The following ZNF668 variants were observed in gnomAD, a reference collection of about 807,000 sequenced individuals.
ZNF668 encodes the protein zinc finger protein 668.
In ZNF668, 10 loss-of-function variants were observed where a neutral mutation model predicts 40.3. The ratio of observed to expected loss-of-function variants is 0.25; its 90% CI spans 0.15 to 0.42. The LOEUF is 0.42. ZNF668 is among the 10% of genes least tolerant of loss of function. The pLI, the probability that ZNF668 is intolerant of heterozygous loss-of-function variation, is 1.00. For missense variants in ZNF668, 749 were observed against 904.6 expected, an observed-to-expected ratio of 0.83 and a Z score of 2.21; for synonymous variants, 428 against 384.6, an observed-to-expected ratio of 1.11 and a Z score of -1.32.
chr16:31,061,307 G>T lies in ZNF668; in HGVS notation c.1621C>A (p.Leu541Ile). 2 of 1,580,988 alleles carry T rather than the reference G, an allele frequency of 1.3e-6. No homozygotes were observed. Among genetic ancestry groups the T allele is most frequent in the Non-Finnish European group, 1.7e-6 (2 of 1,162,536 alleles). ...CACTGGGTGCAGGGGAAGGGCCGGA[G>T]CTCCGGGTGTGAGCGCTCGTGCCGA... is the stretch of plus-strand genomic sequence containing the variant. ...LRRHERSHPE[L>I]RPFPCTQCGK... Residue 541 changes from leucine to isoleucine, a missense_variant, in exon 3 of 3, where the codon CTC (leucine) becomes ATC (isoleucine). Around this residue, in one of 4 missense-constraint regions of ZNF668, gnomAD observed 310 missense variants for 355.1 expected, o/e 0.87. Transcript: ENST00000300849. This position sits in a 1 kb window ranked among gnomAD's most constrained non-coding sequence, Gnocchi z 7.7.
At chr16:31,065,063 C>T (rs778611455) in intron 1 of ZNF668, 5 of 1,047,828 alleles carry the variant, frequency 4.8e-6, no homozygotes, top group Non-Finnish European at 5.8e-6. Context: ...CACAGCTGTA[C>T]GGGCCTCCGC....
chr16:31,064,724 CA>C, intron 1 of ZNF668: 1 of 1,530,842 alleles, frequency 6.5e-7, no homozygotes, highest in Non-Finnish European at 8.7e-7. Context: ...GATTCACCTA[CA>C]CGTCCCCCCC....
chr16:31,064,576 G>T lies in ZNF668; in HGVS notation c.-22-95C>A, dbSNP rs1292108004. The T allele has an allele frequency of 2.6e-6, 4 of 1,566,196 alleles. No homozygotes were observed. The highest frequency in any genetic ancestry group is 3.7e-5 in the Admixed American group (2 of 54,178). Reference sequence around the variant, plus strand: ...TATCTCATCTGCATTTCTCACCTCGGAACCCACACATCCTTCCTGCCCAGC... The same window carrying T: ...TATCTCATCTGCATTTCTCACCTCGTAACCCACACATCCTTCCTGCCCAGC... On this transcript the variant is annotated intron_variant, in intron 1 of 2. Transcript: ENST00000300849.
intron 1 of ZNF668, chr16:31,065,379 A>C (rs1458335900): frequency 6.5e-6 from 1 of 153,370 alleles, no homozygotes; most frequent in Non-Finnish European, 1.4e-5. Context: ...CTGGGGGATG[A>C]AGGGAAGAGG....
intron 1 of ZNF668, among the ~76,000 whole-genome samples, chr16:31,072,195 A>G (rs114488304): frequency 2.0e-3 from 312 of 152,328 alleles, no homozygotes; most frequent in African/African-American, 6.8e-3. Context: ...CACCAGCACC[A>G]GAGTCCAGGC....
chr16:31,063,299 A>AT (rs1057354595), intron 2 of ZNF668, among the ~76,000 whole-genome samples: 3 of 151,936 alleles, frequency 2.0e-5, no homozygotes, highest in Admixed American at 1.3e-4. Context: ...CGCTCGGGTA[A>AT]TTTTTTTATT....
chr16:31,073,493 G>C (rs1181628677), intron 1 of ZNF668, 166 bp downstream of exon 1: 2 of 152,122 alleles, frequency 1.3e-5, no homozygotes, highest in African/African-American at 4.8e-5. Flanking sequence ...GGACCTGCTG[G>C]GCCCGCAATG....
chr16:31,068,513 C>A (rs8047803), intron 1 of ZNF668, among the ~76,000 whole-genome samples: 66,729 of 148,040 alleles, frequency 0.45, 16,167 homozygotes, highest in South Asian at 0.72. Context: ...AGAGCCACCA[C>A]GCCCAGACTT....
In ZNF668 at chr16:31,060,941, G is replaced by A. The variant is rs753577480; in HGVS notation, c.*127C>T. The A allele has an allele frequency of 1.2e-4, 150 of 1,200,900 alleles. No individual in the cohort carries two copies. Among genetic ancestry groups the A allele is most frequent in the Non-Finnish European group, 1.6e-4 (142 of 914,418 alleles). 74.4% of individuals were successfully genotyped at this position (1,200,900 alleles called of 1,614,324 possible). Reference sequence around the variant, plus strand: ...ACTGTCCCAGCTCTCTTAGCTGGCCGACAGGGGAGCTAGTTGCTGAGGGGT... The same window carrying A: ...ACTGTCCCAGCTCTCTTAGCTGGCCAACAGGGGAGCTAGTTGCTGAGGGGT... On this transcript the variant is annotated 3_prime_UTR_variant, in exon 3 of 3. Coordinates refer to ENST00000300849, the MANE Select transcript of ZNF668 (RefSeq NM_024706.5).
At chr16:31,070,967 T>C (rs2057012741) in intron 1 of ZNF668, among the ~76,000 whole-genome samples, 1 of 151,970 alleles carries the variant, frequency 6.6e-6, no homozygotes, top group South Asian at 2.1e-4. Flanking sequence ...GTTCAAGCAA[T>C]TCTTCTGCCT....
rs1275260854 is a variant in ZNF668, at chr16:31,073,762, C to G, written c.-126G>C. 1 of 152,190 alleles carries G rather than the reference C, an allele frequency of 6.6e-6. No individual in the cohort carries two copies. The highest frequency in any genetic ancestry group is 1.5e-5 in the Non-Finnish European group (1 of 68,068). The allele number at this position is 152,190 out of a possible 1,614,324, so 9.4% of individuals were successfully genotyped here. ...GCCGGCGCTAGGACCCAGCGGGGGG[C>G]GGGGAGGTGGGACCGGTGGCGCGGC... On this transcript the variant is annotated 5_prime_UTR_variant, in exon 1 of 3. Transcript: ENST00000300849.
Position 31,062,002 on chromosome 16 carries a change from T to A in ZNF668, c.926A>T (p.His309Leu), listed in dbSNP as rs1480172471. ...QRAHEGVKPY[H>L]CEKCGKDFRQ... ...GAAGTCCTTGCCGCACTTCTCGCAG[T>A]GGTATGGCTTCACCCCTTCATGGGC... The change falls in exon 3 of 3, where the codon CAC becomes CTC. Residue 309 changes from histidine (H) to leucine (L), a missense_variant. Around this residue, in one of 4 missense-constraint regions of ZNF668, gnomAD observed 129 missense variants for 231.2 expected, o/e 0.56. Coordinates refer to ENST00000300849, the MANE Select transcript of ZNF668 (RefSeq NM_024706.5). The A allele has an allele frequency of 6.2e-7, 1 of 1,613,628 alleles. No homozygotes were observed. The highest frequency in any genetic ancestry group is 1.7e-5 in the Admixed American group (1 of 59,976).
In ZNF668 at chr16:31,064,426, C is replaced by G. The variant is rs1183155688; in HGVS notation, c.34G>C (p.Ala12Pro). The change falls in exon 2 of 3, where the codon GCC becomes CCC. Residue 12 changes from alanine (A) to proline (P), a missense_variant. Physicochemically the swap from Ala to Pro is conservative, Grantham distance 27. Around this residue, in one of 4 missense-constraint regions of ZNF668, gnomAD observed 159 missense variants for 139.8 expected, o/e 1.14. Coordinates refer to ENST00000300849, the MANE Select transcript of ZNF668 (RefSeq NM_024706.5). ...CGGCCCGAGCGCTTGTAGCCGGGGG[C>G]TGGGGACCGGGCCTCTGCAGCCTCC... ...EVEAAEARSPAPGYKRSGRRY... is the reference protein window; with the variant it reads ...EVEAAEARSPPPGYKRSGRRY... 6.2e-7 allele frequency: 1 copy of G among 1,612,482 alleles called. No individual in the cohort carries two copies. The highest frequency in any genetic ancestry group is 8.5e-7 in the Non-Finnish European group (1 of 1,179,940).
chr16:31,068,239 A>AAAAAATATATATATATATAT (rs1473353128), intron 1 of ZNF668, among the ~76,000 whole-genome samples: 1 of 83,010 alleles, frequency 1.2e-5, no homozygotes, highest in African/African-American at 5.0e-5. Flanking sequence ...AAAAAAAAAA[A>AAAAAATATATATATATATAT]ATATATATAT....
At chr16:31,067,331 A>C (rs920238024) in intron 1 of ZNF668, among the ~76,000 whole-genome samples, 1 of 152,210 alleles carries the variant, frequency 6.6e-6, no homozygotes, top group Non-Finnish European at 1.5e-5. Context: ...GTTACCCTTC[A>C]TGGCAACCCC....
At chr16:31,062,457 T>C (rs1273767289) in intron 2 of ZNF668, 177 bp from the exon 3 acceptor site, 10 of 868,870 alleles carry the variant, frequency 1.2e-5, no homozygotes, top group South Asian at 1.9e-5. Flanking sequence ...TGGGTGTCTC[T>C]ATTCCAAAGA....
chr16:31,069,617 C>G (rs895628496), intron 1 of ZNF668, among the ~76,000 whole-genome samples: 4 of 152,008 alleles, frequency 2.6e-5, no homozygotes, highest in African/African-American at 7.2e-5. Context: ...CTACCTTTCT[C>G]AATGCTATCT....
intron 1 of ZNF668, 44 bp from the exon 2 acceptor site, chr16:31,064,525 AC>A: frequency 7.5e-6 from 12 of 1,599,016 alleles, no homozygotes; most frequent in Non-Finnish European, 1.0e-5. Flanking sequence ...TACCTTCGCC[AC>A]TCCTGAAAGC....
At chr16:31,066,334 G>T in intron 1 of ZNF668, 1 of 985,404 alleles carries the variant, frequency 1.0e-6, no homozygotes, top group Non-Finnish European at 1.2e-6. Flanking sequence ...TCCCCTTTGG[G>T]TTTGGCCCCA....
Sources: gnomAD v4.1 joint callset for allele counts (sites outside exome capture counted in the v4.1 genomes callset) on GRCh38, gnomAD v4.1.1 for gene constraint, gnomAD v4.1.1 regional missense constraint, Gnocchi (gnomAD v3.1) non-coding constraint, MANE v1.5 for transcripts, NCBI Gene and HGNC (gene_info 2026-07-23, HGNC 2026-07-21) for gene names.